Variants in ESCO2 observed in about 807,000 individuals in gnomAD.
ESCO2 encodes N-acetyltransferase ESCO2.
In ESCO2, 51 loss-of-function variants were observed where a neutral mutation model predicts 61.7. That is an observed-to-expected ratio of 0.83 (90% CI 0.66 to 1.04). The LOEUF is 1.04. Ranked by LOEUF, ESCO2 falls within the 50% of genes least tolerant of loss-of-function variation. The pLI is 0.00. For missense variants in ESCO2, 692 were observed against 686.2 expected (o/e 1.01, Z -0.09); for synonymous variants, 230 against 238.2 (o/e 0.97, Z 0.32).
At chr8:27,792,577 A>G (rs1805201115) in intron 8 of ESCO2, 91 bp from the exon 9 acceptor site, 1 of 1,314,318 alleles carries the variant, frequency 7.6e-7, no homozygotes, top group Admixed American at 2.4e-5. Context: ...GGCTAAAGTA[A>G]CAGTAATCAT....
intron 9 of ESCO2, among the ~76,000 whole-genome samples, chr8:27,795,777 T>G (rs1337609637): frequency 6.6e-6 from 1 of 152,198 alleles, no homozygotes; most frequent in Non-Finnish European, 1.5e-5. Context: ...CTTCATTCTG[T>G]TAATATGGTG....
intron 9 of ESCO2, among the ~76,000 whole-genome samples, chr8:27,797,757 T>G (rs955091807): frequency 6.6e-6 from 1 of 152,246 alleles, no homozygotes; most frequent in African/African-American, 2.4e-5. Context: ...TAAAATATCC[T>G]ATAATATAAC....
At chr8:27,813,569 ACCT>A (rs1171790268), downstream of ESCO2, among the ~76,000 whole-genome samples, 1 of 150,916 alleles carries the variant, frequency 6.6e-6, no homozygotes, top group African/African-American at 2.5e-5. Context: ...GTAAACACTG[ACCT>A]CATAGCCACA....
downstream of ESCO2, among the ~76,000 whole-genome samples, chr8:27,817,395 C>A (rs1309787802): frequency 6.6e-6 from 1 of 152,010 alleles, no homozygotes; most frequent in Non-Finnish European, 1.5e-5. Context: ...CTGGTAGAAC[C>A]TTTCAGACGA....
rs1563483443 is a variant in ESCO2, at chr8:27,804,393, T to A, written c.*955T>A. ...TTTCATTTTCTAATTTTTTGCTTGT[T>A]TAAAATGCACCTTACTTGTTCTGAG... On this transcript the variant is annotated 3_prime_UTR_variant, in exon 11 of 11. Coordinates refer to ENST00000305188, the MANE Select transcript of ESCO2 (RefSeq NM_001017420.3). 1 of 985,322 alleles carries A rather than the reference T, an allele frequency of 1.0e-6. No homozygotes were observed. Among genetic ancestry groups the A allele is most frequent in the Non-Finnish European group, 1.2e-6 (1 of 829,930 alleles). The allele number at this position is 985,322 out of a possible 1,614,324, so 61.0% of individuals were successfully genotyped here.
At chr8:27,788,442 A>C (rs978211185) in intron 6 of ESCO2, among the ~76,000 whole-genome samples, 7 of 152,190 alleles carry the variant, frequency 4.6e-5, no homozygotes, top group African/African-American at 1.7e-4. Flanking sequence ...TCTTGTAAAA[A>C]TAAAAAAATC....
chr8:27,807,632 T>G (rs542735201), downstream of ESCO2, among the ~76,000 whole-genome samples: 5 of 152,236 alleles, frequency 3.3e-5, no homozygotes, highest in Non-Finnish European at 7.3e-5. Context: ...GCCTAGGGGT[T>G]TATCAATTTT....
downstream of ESCO2, among the ~76,000 whole-genome samples, chr8:27,814,860 C>G (rs574253166): frequency 3.4e-4 from 51 of 152,114 alleles, no homozygotes; most frequent in Non-Finnish European, 6.3e-4. Context: ...AACAAATATA[C>G]TCTATGATTC....
intron 3 of ESCO2, chr8:27,778,123 T>C (rs1585391706): frequency 6.6e-6 from 1 of 152,238 alleles, no homozygotes; most frequent in East Asian, 1.9e-4. Flanking sequence ...TCATGAAATA[T>C]TGAAAGCTGA....
chr8:27,817,551 G>GT (rs1554560035), downstream of ESCO2, among the ~76,000 whole-genome samples: 613 of 148,304 alleles, frequency 4.1e-3, 10 homozygotes, highest in East Asian at 0.072. Context: ...TTTTAACCCT[G>GT]TTTTTTTTTT....
chr8:27,798,040 G>A (rs1018108187), intron 9 of ESCO2, among the ~76,000 whole-genome samples: 3 of 152,204 alleles, frequency 2.0e-5, no homozygotes, highest in African/African-American at 7.2e-5. Context: ...AAGGGTAACA[G>A]TAGGTAAAGA....
chr8:27,780,079 A>G (rs1244655947), intron 3 of ESCO2, 95 bp from the exon 4 acceptor site: 1 of 778,460 alleles, frequency 1.3e-6, no homozygotes, highest in Non-Finnish European at 2.2e-6. Flanking sequence ...AATAAACCAA[A>G]TCTTTTGTTT....
rs769331627 is a variant in ESCO2 at position 27,776,819 on chromosome 8, A to C, written c.511A>C (p.Ile171Leu). Residue 171 changes from isoleucine to leucine, a missense_variant, in exon 3 of 11, where the codon ATC becomes CTC. Coordinates refer to ENST00000305188, the MANE Select transcript of ESCO2 (RefSeq NM_001017420.3). The stretch of plus-strand genomic sequence containing the variant: ...TAGAAATTCCAAGCAAAATCGAGTG[A>C]TCTATAAGCCAATTGTGGAGAAGGA... ...NSRNSKQNRV[I>L]YKPIVEKENN... is the part of the protein sequence containing the mutation. 1.9e-6 allele frequency: 3 copies of C among 1,614,156 alleles called. No individual in the cohort carries two copies. Among genetic ancestry groups the C allele is most frequent in the Non-Finnish European group, 2.5e-6 (3 of 1,180,038 alleles).
rs534932467 is a variant in ESCO2 at position 27,788,703 on chromosome 8, T to C, written c.1132-144T>C. On this transcript the variant is annotated intron_variant, in intron 6 of 10. Coordinates refer to ENST00000305188, the MANE Select transcript of ESCO2 (RefSeq NM_001017420.3). ...CTTGGGGGAGGGAAGGAGGATATGG[T>C]AACCAGATTTTCATTTAGTTTTTCA... The C allele has an allele frequency of 1.8e-5, 17 of 969,034 alleles. 1 individual carries two copies. In the East Asian group the frequency reaches 3.4e-4, roughly 20 times the overall value. The allele number at this position is 969,034 out of a possible 1,614,324, so 60.0% of individuals were successfully genotyped here. A position where few individuals can be genotyped will look rare whatever the true frequency, so the allele number is the denominator to read the frequency against.
intron 5 of ESCO2, among the ~76,000 whole-genome samples, chr8:27,784,745 T>C (rs1563472996): frequency 6.6e-6 from 1 of 152,212 alleles, no homozygotes; most frequent in South Asian, 2.1e-4. Flanking sequence ...TAGTTTCTTA[T>C]GGTCTAAACA....
intron 9 of ESCO2, among the ~76,000 whole-genome samples, chr8:27,797,236 C>T (rs560928518): frequency 6.6e-6 from 1 of 152,210 alleles, no homozygotes; most frequent in South Asian, 2.1e-4. Flanking sequence ...TTTCAGAATC[C>T]TAAATATTTA....
chr8:27,817,944 C>T, the ESCO2 span, among the ~76,000 whole-genome samples: 2 of 152,138 alleles, frequency 1.3e-5, no homozygotes, highest in African/African-American at 4.8e-5. Flanking sequence ...CTTCTGAGCA[C>T]TTGAATTGTG....
chr8:27,777,984 T>G (rs1297134780), intron 3 of ESCO2: 2 of 152,192 alleles, frequency 1.3e-5, no homozygotes, highest in Non-Finnish European at 2.9e-5. Flanking sequence ...ATTTCAAACC[T>G]CAGTGGCAAA....
At position 27,804,534 on chromosome 8, in the gene ESCO2, A is replaced by AT. The variant is rs1178642784; in HGVS notation, c.*1101dup. On this transcript the variant is annotated 3_prime_UTR_variant, in exon 11 of 11. Coordinates refer to ENST00000305188, the MANE Select transcript of ESCO2 (RefSeq NM_001017420.3). ...TGTAAATACACTTAAATGTTCACAC[A>AT]TTTTTCTAGTGTAATTCTTGGATAC... 10 of 985,442 alleles carry AT rather than the reference A, an allele frequency of 1.0e-5. No individual in the cohort carries two copies. In the African/African-American group the frequency reaches 1.7e-4, roughly 17 times the overall value. The allele number at this position is 985,442 out of a possible 1,614,324, so 61.0% of individuals were successfully genotyped here.
Sources: allele counts gnomAD v4.1 joint callset (sites outside exome capture counted in the v4.1 genomes callset), GRCh38; gene constraint gnomAD v4.1.1; transcripts MANE v1.5; gene names NCBI Gene and HGNC (gene_info 2026-07-23, HGNC 2026-07-21).